Variants in TCF24 observed in about 807,000 individuals in gnomAD.
TCF24 encodes the protein transcription factor 24.
In TCF24, 5 loss-of-function variants were observed where a neutral mutation model predicts 9.3. The observed-to-expected ratio is 0.54, with a 90% confidence interval of 0.28 to 1.13. The LOEUF is 1.13. TCF24 is among the 50% of genes most tolerant of loss of function. The pLI is 0.09. For missense variants in TCF24, 220 were observed against 236.1 expected (o/e 0.93, Z 0.45); for synonymous variants, 110 against 115.8 (o/e 0.95, Z 0.32).
Position 66,947,450 on chromosome 8 carries a change from G to A in TCF24, c.*601C>T, listed in dbSNP as rs1224779326. The A allele has an allele frequency of 1.3e-5, 2 of 152,234 alleles. No homozygotes were observed. Among genetic ancestry groups the A allele is most frequent in the Admixed American group, 6.5e-5 (1 of 15,278 alleles). 9.4% of individuals were successfully genotyped at this position (152,234 alleles called of 1,614,324 possible). On this transcript the variant is annotated 3_prime_UTR_variant, in exon 4 of 4. Coordinates refer to ENST00000563496, the MANE Select transcript of TCF24 (RefSeq NM_001193502.2). ...GTGCCTTCCACAAGTTGCAAACACT[G>A]TAAGATACAGAATAACCCTCTAGGA...
At chr8:66,950,554 G>A (rs1401381132) in intron 3 of TCF24, among the ~76,000 whole-genome samples, 11 of 150,890 alleles carry the variant, frequency 7.3e-5, no homozygotes, top group Admixed American at 7.3e-4. Context: ...TTTTGGCTTA[G>A]GATTGCCTTG....
chr8:66,959,153 G>C (rs943414549), intron 3 of TCF24, among the ~76,000 whole-genome samples: 1 of 152,176 alleles, frequency 6.6e-6, no homozygotes, highest in African/African-American at 2.4e-5. Context: ...AGGAAGTCTT[G>C]CTATGAAATG....
At chr8:66,949,618 C>T (rs1209863570) in intron 3 of TCF24, among the ~76,000 whole-genome samples, 1 of 152,070 alleles carries the variant, frequency 6.6e-6, no homozygotes, top group Non-Finnish European at 1.5e-5. Context: ...GGGTATATAC[C>T]CAGTAATGGG....
intron 3 of TCF24, among the ~76,000 whole-genome samples, chr8:66,954,056 T>G (rs1470252461): frequency 6.6e-6 from 1 of 152,224 alleles, no homozygotes; most frequent in Admixed American, 6.5e-5. Flanking sequence ...CTCCCATAGC[T>G]CGGAATAATT....
Position 66,947,857 on chromosome 8 carries a change from C to G in TCF24, c.*194G>C, listed in dbSNP as rs1813987002. On this transcript the variant is annotated 3_prime_UTR_variant, in exon 4 of 4. Transcript: ENST00000563496. ...ATATAGTAGTGACTCTCACACTGAA[C>G]AGATAAGCTGTGTGTTTTATATAAC... is the stretch of plus-strand genomic sequence containing the variant. The G allele has an allele frequency of 2.2e-6, 1 of 460,352 alleles. No individual in the cohort carries two copies. Among genetic ancestry groups the G allele is most frequent in the Admixed American group, 3.8e-5 (1 of 26,074 alleles). The allele number at this position is 460,352 out of a possible 1,614,324, so 28.5% of individuals were successfully genotyped here.
Position 66,948,117 on chromosome 8 carries a change from A to G in TCF24, c.438T>C (p.Phe146=). 1.3e-6 allele frequency: 2 copies of G among 1,535,368 alleles called. No individual in the cohort carries two copies. The highest frequency in any genetic ancestry group is 1.7e-6 in the Non-Finnish European group (2 of 1,146,720). ...TTTCTCCAGAAACAGAATGCTTCAG[A>G]AACTGACCAGTAGCACCGATGTACA... ...SRLYIGATGQ[F]LKHSVSGEKT... Residue 146 remains phenylalanine (F), a synonymous_variant, in exon 4 of 4, where the codon TTT becomes TTC. Transcript: ENST00000563496.
intron 3 of TCF24, among the ~76,000 whole-genome samples, chr8:66,959,885 C>T (rs1021023439): frequency 7.3e-4 from 111 of 152,104 alleles, no homozygotes; most frequent in African/African-American, 2.2e-3. Flanking sequence ...TGCAAAAAGA[C>T]GCTTGCTATG....
intron 3 of TCF24, among the ~76,000 whole-genome samples, chr8:66,956,719 T>C (rs1814159518): frequency 6.6e-6 from 1 of 152,164 alleles, no homozygotes; most frequent in South Asian, 2.1e-4. Flanking sequence ...AGATCTGGCA[T>C]TGTTATATCA....
Position 66,948,021 on chromosome 8 carries a change from C to A in TCF24, c.*30G>T. On this transcript the variant is annotated 3_prime_UTR_variant, in exon 4 of 4. Coordinates refer to ENST00000563496, the MANE Select transcript of TCF24 (RefSeq NM_001193502.2). ...CATAGTATTTAAAAACAATAGCCAC[C>A]ACTTCTACCAGCCCCCACCAGGGGA... 1.4e-6 allele frequency: 2 copies of A among 1,423,900 alleles called. No individual in the cohort carries two copies. Among genetic ancestry groups the A allele is most frequent in the Non-Finnish European group, 9.3e-7 (1 of 1,073,102 alleles). 88.2% of individuals were successfully genotyped at this position (1,423,900 alleles called of 1,614,324 possible).
At chr8:66,961,302 A>C in intron 3 of TCF24, 74 bp downstream of exon 3, 1 of 1,369,540 alleles carries the variant, frequency 7.3e-7, no homozygotes, top group African/African-American at 1.5e-5. Flanking sequence ...CATCTACCCA[A>C]GACGGTGACT....
intron 3 of TCF24, among the ~76,000 whole-genome samples, chr8:66,949,275 C>T: frequency 6.6e-6 from 1 of 151,688 alleles, no homozygotes; most frequent in African/African-American, 2.4e-5. Flanking sequence ...CCACCACAGT[C>T]CCCAGAGTGT....
chr8:66,960,920 G>A (rs1446297789), intron 3 of TCF24, among the ~76,000 whole-genome samples: 2 of 152,074 alleles, frequency 1.3e-5, no homozygotes, highest in Non-Finnish European at 2.9e-5. Context: ...TGTTTTCCTA[G>A]AATCACTTAG....
chr8:66,960,383 T>C (rs950885403), intron 3 of TCF24, among the ~76,000 whole-genome samples: 1 of 152,148 alleles, frequency 6.6e-6, no homozygotes, highest in Admixed American at 6.6e-5. Context: ...AACACTGATA[T>C]ACTTAAAGCT....
In TCF24 at chr8:66,961,780, C is replaced by A. The variant is rs1814261023; in HGVS notation, c.-15G>T. The A allele has an allele frequency of 1.8e-6, 2 of 1,112,712 alleles. No individual in the cohort carries two copies. 68.9% of individuals were successfully genotyped at this position (1,112,712 alleles called of 1,614,324 possible). On this transcript the variant is annotated 5_prime_UTR_variant, in exon 3 of 4. Transcript: ENST00000563496. ...CCGCGGTCCATGGCAGCTTCCCGCGCCGCGCGCGCTGCAAAGGACCGAAGG... is the reference window on the plus strand; with the variant it reads ...CCGCGGTCCATGGCAGCTTCCCGCGACGCGCGCGCTGCAAAGGACCGAAGG...
rs1814260840 is a variant in TCF24 at position 66,961,775 on chromosome 8, C to A, written c.-10G>T. On this transcript the variant is annotated 5_prime_UTR_variant, in exon 3 of 4. Transcript: ENST00000563496. ...GGCGGCCGCGGTCCATGGCAGCTTC[C>A]CGCGCCGCGCGCGCTGCAAAGGACC... 2 of 1,111,564 alleles carry A rather than the reference C, an allele frequency of 1.8e-6. No homozygotes were observed. The highest frequency in any genetic ancestry group is 7.7e-4 in the Middle Eastern group (2 of 2,600). 68.9% of individuals were successfully genotyped at this position (1,111,564 alleles called of 1,614,324 possible).
intron 3 of TCF24, among the ~76,000 whole-genome samples, chr8:66,958,723 AT>A (rs113645728): frequency 1.6e-4 from 25 of 152,208 alleles, no homozygotes; most frequent in African/African-American, 4.6e-4. Context: ...CCTGTTATCT[AT>A]TTTTTTCAAT....
In TCF24 at chr8:66,961,230, C is replaced by A. The variant is rs1252829579; in HGVS notation, c.390+146G>T. On this transcript the variant is annotated intron_variant, in intron 3 of 3. Transcript: ENST00000563496. Reference sequence around the variant, plus strand: ...CGCGGCGGGGACCTTGCCACCAGTACCCTCGCGGGCCGAGGTCGTTCTCCC... The same window carrying A: ...CGCGGCGGGGACCTTGCCACCAGTAACCTCGCGGGCCGAGGTCGTTCTCCC... 7 of 1,148,780 alleles carry A rather than the reference C, an allele frequency of 6.1e-6. No homozygotes were observed. In the East Asian group the frequency reaches 2.2e-4, roughly 37 times the overall value. The allele number at this position is 1,148,780 out of a possible 1,614,324, so 71.2% of individuals were successfully genotyped here. A position where few individuals can be genotyped will look rare whatever the true frequency, so the allele number is the denominator to read the frequency against.
chr8:66,949,957 GT>G (rs1166627776), intron 3 of TCF24, among the ~76,000 whole-genome samples: 1 of 143,666 alleles, frequency 7.0e-6, no homozygotes, highest in Non-Finnish European at 1.5e-5. Flanking sequence ...GGGGTTGTTT[GT>G]TTTTTTCTTG....
At chr8:66,960,757 C>G (rs1025853770) in intron 3 of TCF24, among the ~76,000 whole-genome samples, 1 of 152,142 alleles carries the variant, frequency 6.6e-6, no homozygotes, top group African/African-American at 2.4e-5. Flanking sequence ...CAATCTATTA[C>G]GAACGTATTT....
Sources: allele counts gnomAD v4.1 joint callset (sites outside exome capture counted in the v4.1 genomes callset), GRCh38; gene constraint gnomAD v4.1.1; transcripts MANE v1.5; gene names NCBI Gene and HGNC (gene_info 2026-07-23, HGNC 2026-07-21).